Variants in ZDHHC14 observed in about 807,000 individuals in gnomAD.
ZDHHC14 encodes palmitoyltransferase ZDHHC14.
A neutral mutation model predicts 47.7 loss-of-function variants in ZDHHC14; 16 were observed. The ratio of observed to expected loss-of-function variants is 0.34; its 90% CI spans 0.23 to 0.51. The LOEUF (loss-of-function observed/expected upper bound fraction) is 0.51, where lower values mean the gene tolerates loss of function less well. Among genes scored for constraint, ZDHHC14 ranks in the 20% least tolerant of loss-of-function variants. The pLI is 0.97. For missense variants in ZDHHC14, 515 were observed against 662.5 expected (o/e 0.78, Z 2.44); for synonymous variants, 293 against 278.9 (o/e 1.05, Z -0.50).
intron 2 of ZDHHC14, among the ~76,000 whole-genome samples, chr6:157,557,111 T>G (rs1159542004): frequency 6.6e-6 from 1 of 152,206 alleles, no homozygotes; most frequent in East Asian, 1.9e-4. Flanking sequence ...AGTCACCTTC[T>G]CTGAACCAGG....
intron 1 of ZDHHC14, among the ~76,000 whole-genome samples, chr6:157,445,344 G>A (rs573509964): frequency 1.3e-5 from 2 of 152,138 alleles, no homozygotes; most frequent in South Asian, 2.1e-4. Context: ...GAGCCATCAC[G>A]GTTTATTAAA....
At chr6:157,534,263 GC>G (rs1781464069) in intron 1 of ZDHHC14, among the ~76,000 whole-genome samples, 1 of 152,144 alleles carries the variant, frequency 6.6e-6, no homozygotes, top group Admixed American at 6.5e-5. Flanking sequence ...TCTCGGAAGG[GC>G]CCTGGCTTGC....
chr6:157,437,386 C>T (rs1013165354), intron 1 of ZDHHC14, among the ~76,000 whole-genome samples: 4 of 152,202 alleles, frequency 2.6e-5, no homozygotes, highest in African/African-American at 7.2e-5. Context: ...AGATGAATGG[C>T]GGTGCTGAGC....
At position 157,480,917 on chromosome 6, in the gene ZDHHC14, T is replaced by G. The variant is rs557475124; in HGVS notation, c.246-61668T>G. ...TATTCTCCAATCTTGAAAATAAAAT[T>G]TTGATAGTTTTAAAAAAATGTGTTT... On this transcript the variant is annotated intron_variant, in intron 1 of 8. Transcript: ENST00000359775. Among the ~76,000 whole-genome samples the G allele has an allele frequency of 2.6e-5, 4 of 152,334 alleles. No homozygotes were observed. In the East Asian group the frequency reaches 7.7e-4, roughly 29 times the overall value.
Position 157,675,923 on chromosome 6 carries a change from C to G in ZDHHC14, c.*2801C>G, listed in dbSNP as rs1402749683. 1 of 152,204 alleles carries G rather than the reference C, an allele frequency of 6.6e-6. No homozygotes were observed. Among genetic ancestry groups the G allele is most frequent in the Non-Finnish European group, 1.5e-5 (1 of 68,034 alleles). 9.4% of individuals were successfully genotyped at this position (152,204 alleles called of 1,614,324 possible). A position where few individuals can be genotyped will look rare whatever the true frequency, so the allele number is the denominator to read the frequency against. On this transcript the variant is annotated 3_prime_UTR_variant, in exon 9 of 9. Coordinates refer to ENST00000359775, the MANE Select transcript of ZDHHC14 (RefSeq NM_024630.3). The stretch of plus-strand genomic sequence containing the variant: ...AAAGCTTGGACCATTATCAAACACA[C>G]ACAAACACACACTCATTCTGCTGTT...
chr6:157,415,496 C>G (rs1221309071), intron 1 of ZDHHC14, among the ~76,000 whole-genome samples: 1 of 152,190 alleles, frequency 6.6e-6, no homozygotes, highest in Non-Finnish European at 1.5e-5. Context: ...TCCATGAGAG[C>G]AAAGCTTTTC....
At chr6:157,431,422 A>G (rs528582274) in intron 1 of ZDHHC14, among the ~76,000 whole-genome samples, 16 of 152,320 alleles carry the variant, frequency 1.1e-4, no homozygotes, top group African/African-American at 2.9e-4. Flanking sequence ...GGCAGGGACC[A>G]TAGTGCCCAT....
At chr6:157,448,224 T>G (rs1164239952) in intron 1 of ZDHHC14, among the ~76,000 whole-genome samples, 1 of 152,120 alleles carries the variant, frequency 6.6e-6, no homozygotes, top group Non-Finnish European at 1.5e-5. Context: ...GTGCTTAAGG[T>G]CTGACTTCAA....
At chr6:157,528,537 C>A (rs924272449) in intron 1 of ZDHHC14, among the ~76,000 whole-genome samples, 2 of 152,022 alleles carry the variant, frequency 1.3e-5, no homozygotes, top group Non-Finnish European at 2.9e-5. Context: ...CGAGACCATC[C>A]TGGCTAACAT....
chr6:157,632,681 C>T, intron 4 of ZDHHC14, 153 bp from the exon 5 acceptor site: 2 of 760,348 alleles, frequency 2.6e-6, no homozygotes, highest in South Asian at 1.6e-5. Context: ...AGTGGCATCT[C>T]AATCTCTGAT....
intron 1 of ZDHHC14, among the ~76,000 whole-genome samples, chr6:157,511,940 T>C (rs1780504526): frequency 6.6e-6 from 1 of 152,100 alleles, no homozygotes; most frequent in African/African-American, 2.4e-5. Flanking sequence ...AGAGAAGGTG[T>C]TGGCTGTGCT....
intron 1 of ZDHHC14, among the ~76,000 whole-genome samples, chr6:157,469,762 G>A (rs1359733472): frequency 6.6e-6 from 1 of 152,210 alleles, no homozygotes; most frequent in Non-Finnish European, 1.5e-5. Flanking sequence ...AGCTCAGTAT[G>A]GCACTACCCA....
intron 1 of ZDHHC14, among the ~76,000 whole-genome samples, chr6:157,419,460 C>T (rs1778053873): frequency 6.6e-6 from 1 of 152,206 alleles, no homozygotes; most frequent in Non-Finnish European, 1.5e-5. Context: ...ATTCCCCATA[C>T]ACCCTCCCCA....
At chr6:157,624,360 C>A (rs1785319850) in intron 3 of ZDHHC14, among the ~76,000 whole-genome samples, 1 of 152,196 alleles carries the variant, frequency 6.6e-6, no homozygotes, top group Non-Finnish European at 1.5e-5. Flanking sequence ...CTGTTCTCAT[C>A]CTTGACCTGA....
intron 2 of ZDHHC14, among the ~76,000 whole-genome samples, chr6:157,544,324 C>T (rs1781881050): frequency 6.6e-6 from 1 of 152,184 alleles, no homozygotes; most frequent in African/African-American, 2.4e-5. Context: ...AAAATCAGCA[C>T]GATTAGGAAC....
At chr6:157,497,553 A>G (rs1271125743) in intron 1 of ZDHHC14, among the ~76,000 whole-genome samples, 1 of 152,210 alleles carries the variant, frequency 6.6e-6, no homozygotes, top group Non-Finnish European at 1.5e-5. Flanking sequence ...TATGAGGATT[A>G]GGCTCTGATG....
chr6:157,482,686 T>C (rs1327665143), intron 1 of ZDHHC14, among the ~76,000 whole-genome samples: 3 of 152,200 alleles, frequency 2.0e-5, no homozygotes, highest in African/African-American at 7.2e-5. Flanking sequence ...GTGTGAACAT[T>C]TCGCTGTCTT....
intron 1 of ZDHHC14, among the ~76,000 whole-genome samples, chr6:157,511,547 C>CTTTTTTTTTTTT (rs34988240): frequency 0.017 from 1,922 of 114,596 alleles, 62 homozygotes; most frequent in African/African-American, 0.022. Flanking sequence ...AGCCCGGGTA[C>CTTTTTTTTTTTT]TTTTTTTTTT....
intron 2 of ZDHHC14, among the ~76,000 whole-genome samples, chr6:157,554,541 G>A (rs1245734107): frequency 6.6e-6 from 1 of 152,188 alleles, no homozygotes; most frequent in Non-Finnish European, 1.5e-5. Flanking sequence ...GTACATTTCA[G>A]TTCAGACTAG....
Sources: gnomAD v4.1 joint callset for allele counts (sites outside exome capture counted in the v4.1 genomes callset) on GRCh38, gnomAD v4.1.1 for gene constraint, MANE v1.5 for transcripts, NCBI Gene and HGNC (gene_info 2026-07-23, HGNC 2026-07-21) for gene names.